CCSER1: variants seen among roughly 807,000 people sequenced by gnomAD.
The protein encoded by CCSER1 is coiled-coil serine rich protein 1.
In CCSER1, 41 loss-of-function variants were observed where a neutral mutation model predicts 82.0. That is an observed-to-expected ratio of 0.50 (90% CI 0.39 to 0.65). CCSER1 has a LOEUF of 0.65. Ranked by LOEUF, CCSER1 falls within the 30% of genes least tolerant of loss-of-function variation. The pLI is 0.00. For synonymous variants in CCSER1, 414 were observed against 383.9 expected, an observed-to-expected ratio of 1.08 and a Z score of -0.92; for missense variants, 1,119 against 1,064.2, an observed-to-expected ratio of 1.05 and a Z score of -0.72.
chr4:90,238,662 G>T (rs535792272), intron 1 of CCSER1, among the ~76,000 whole-genome samples: 1 of 151,816 alleles, frequency 6.6e-6, no homozygotes, highest in Non-Finnish European at 1.5e-5. Flanking sequence ...CCCTCAACTC[G>T]TGCGCACATA....
At chr4:90,421,794 T>G (rs1180929758) in intron 4 of CCSER1, among the ~76,000 whole-genome samples, 1 of 151,984 alleles carries the variant, frequency 6.6e-6, no homozygotes, top group Non-Finnish European at 1.5e-5. Context: ...TTAATGACTC[T>G]TAGGGGTTGA....
intron 10 of CCSER1, among the ~76,000 whole-genome samples, chr4:91,342,465 C>G (rs1747785803): frequency 6.6e-6 from 1 of 152,158 alleles, no homozygotes; most frequent in Non-Finnish European, 1.5e-5. Flanking sequence ...TTGGCCTACT[C>G]TTTTTACCAA....
intron 10 of CCSER1, among the ~76,000 whole-genome samples, chr4:91,366,832 A>G (rs956154158): frequency 3.3e-5 from 5 of 152,188 alleles, no homozygotes; most frequent in African/African-American, 4.8e-5. Flanking sequence ...CATCAACACC[A>G]CAATAAGCAA....
chr4:91,089,581 G>A (rs938042578), intron 10 of CCSER1, among the ~76,000 whole-genome samples: 2 of 152,132 alleles, frequency 1.3e-5, no homozygotes, highest in Admixed American at 6.5e-5. Flanking sequence ...TAGATTGATA[G>A]TGATTCATAT....
At chr4:90,874,205 C>T (rs1766909880) in intron 8 of CCSER1, among the ~76,000 whole-genome samples, 1 of 152,026 alleles carries the variant, frequency 6.6e-6, no homozygotes, top group Non-Finnish European at 1.5e-5. Flanking sequence ...CTAGGCACAG[C>T]TTTAGGTAAT....
At chr4:90,590,697 G>A (rs1015993107) in intron 5 of CCSER1, among the ~76,000 whole-genome samples, 2 of 152,054 alleles carry the variant, frequency 1.3e-5, no homozygotes, top group Non-Finnish European at 2.9e-5. Context: ...TTTGGTTACT[G>A]TAGCCTTGTA....
intron 9 of CCSER1, among the ~76,000 whole-genome samples, chr4:90,931,145 C>T (rs1729756660): frequency 6.6e-6 from 1 of 150,540 alleles, no homozygotes. Context: ...CACACCAAAA[C>T]ATCGTCTATT....
At chr4:90,483,339 G>A (rs1443654421) in intron 5 of CCSER1, among the ~76,000 whole-genome samples, 1 of 152,142 alleles carries the variant, frequency 6.6e-6, no homozygotes, top group African/African-American at 2.4e-5. Context: ...TTGCCAGTCT[G>A]TGTCTTTTCA....
chr4:90,948,093 T>G (rs1429364199), intron 9 of CCSER1, among the ~76,000 whole-genome samples: 1 of 152,036 alleles, frequency 6.6e-6, no homozygotes, highest in Admixed American at 6.6e-5. Flanking sequence ...TCTGCCCTTT[T>G]TTCAGTGTTG....
At chr4:90,977,181 T>C (rs1735686011) in intron 9 of CCSER1, among the ~76,000 whole-genome samples, 2 of 151,662 alleles carry the variant, frequency 1.3e-5, no homozygotes. Flanking sequence ...AAACTAAAGC[T>C]TCATGCTAAG....
At chr4:91,556,116 A>C (rs1166370540) in intron 10 of CCSER1, among the ~76,000 whole-genome samples, 1 of 151,304 alleles carries the variant, frequency 6.6e-6, no homozygotes, top group Admixed American at 6.6e-5. Context: ...AAAATGTTGT[A>C]TTTGTAGTTA....
intron 10 of CCSER1, among the ~76,000 whole-genome samples, chr4:91,215,515 G>GA (rs1448934829): frequency 1.3e-5 from 2 of 152,130 alleles, no homozygotes; most frequent in African/African-American, 4.8e-5. Flanking sequence ...GAAGAACTTG[G>GA]AGTCCCATGT....
intron 3 of CCSER1, among the ~76,000 whole-genome samples, chr4:90,332,052 A>C (rs1739384803): frequency 6.6e-6 from 1 of 152,076 alleles, no homozygotes. Flanking sequence ...AACAAAACTC[A>C]GTTGCATATT....
chr4:90,675,547 AT>A (rs921882611), intron 6 of CCSER1, among the ~76,000 whole-genome samples: 6 of 150,258 alleles, frequency 4.0e-5, no homozygotes, highest in Admixed American at 6.7e-5. Context: ...GGGTAGACCA[AT>A]TTTTTTTTGC....
At chr4:90,289,547 C>A (rs1730540221) in intron 1 of CCSER1, among the ~76,000 whole-genome samples, 1 of 151,796 alleles carries the variant, frequency 6.6e-6, no homozygotes, top group South Asian at 2.1e-4. Context: ...TATCTGTACA[C>A]TCCTTTACCC....
chr4:90,693,263 T>C (rs1335028072), intron 6 of CCSER1: 1 of 151,934 alleles, frequency 6.6e-6, no homozygotes, highest in Non-Finnish European at 1.5e-5. Flanking sequence ...CTCTAAAACT[T>C]TAAAATTATT....
chr4:91,355,059 C>T (rs1578251135), intron 10 of CCSER1, among the ~76,000 whole-genome samples: 1 of 152,100 alleles, frequency 6.6e-6, no homozygotes, highest in Non-Finnish European at 1.5e-5. Flanking sequence ...TAAAGGGTTG[C>T]AGCTCCCACT....
At chr4:90,937,382 G>A (rs1731071069) in intron 9 of CCSER1, among the ~76,000 whole-genome samples, 1 of 151,912 alleles carries the variant, frequency 6.6e-6, no homozygotes, top group Non-Finnish European at 1.5e-5. Context: ...GTCTTGTCAT[G>A]TTACACATTC....
intron 8 of CCSER1, among the ~76,000 whole-genome samples, chr4:90,917,401 A>C (rs917840552): frequency 6.6e-6 from 1 of 152,170 alleles, no homozygotes; most frequent in Non-Finnish European, 1.5e-5. Context: ...ATTCTCAGCA[A>C]ACTATTGCAA....
Sources: allele counts gnomAD v4.1 joint callset (sites outside exome capture counted in the v4.1 genomes callset), GRCh38; gene constraint gnomAD v4.1.1; transcripts MANE v1.5; gene names NCBI Gene and HGNC (gene_info 2026-07-23, HGNC 2026-07-21).